MAST4: variants seen among roughly 807,000 people sequenced by gnomAD.
MAST4 encodes the protein microtubule-associated serine/threonine-protein kinase 4.
MAST4 carries 89 observed loss-of-function variants against 162.7 expected under a neutral mutation model. The ratio of observed to expected loss-of-function variants is 0.55; its 90% confidence interval spans 0.46 to 0.65. The LOEUF (loss-of-function observed/expected upper bound fraction) is 0.65. Among genes scored for constraint, MAST4 ranks in the 30% least tolerant of loss-of-function variants. MAST4 has a pLI of 0.00. For synonymous variants in MAST4, 1,479 were observed against 1,361.1 expected, an observed-to-expected ratio of 1.09 and a Z score of -1.91; for missense variants, 3,153 against 3,374.0, an observed-to-expected ratio of 0.93 and a Z score of 1.62.
At chr5:67,025,397 G>A (rs1001824290) in intron 4 of MAST4, among the ~76,000 whole-genome samples, 1 of 152,168 alleles carries the variant, frequency 6.6e-6, no homozygotes, top group Non-Finnish European at 1.5e-5. Context: ...GATGATAGAT[G>A]TATAAATGAA....
chr5:66,741,963 G>A (rs968739722), intron 1 of MAST4, among the ~76,000 whole-genome samples: 3 of 152,202 alleles, frequency 2.0e-5, no homozygotes, highest in South Asian at 2.1e-4. Flanking sequence ...TCTACTGTAA[G>A]TTCAGGTTGT....
chr5:66,627,235 T>G (rs955282235), intron 1 of MAST4, among the ~76,000 whole-genome samples: 2 of 152,162 alleles, frequency 1.3e-5, no homozygotes, highest in African/African-American at 4.8e-5. Flanking sequence ...CATCAGATCT[T>G]GTGAGAACTC....
intron 1 of MAST4, among the ~76,000 whole-genome samples, chr5:66,620,889 C>G (rs1268237971): frequency 6.6e-6 from 1 of 152,002 alleles, no homozygotes; most frequent in Non-Finnish European, 1.5e-5. Flanking sequence ...TCAGCCCAAG[C>G]AGGTGCATTC....
At chr5:66,643,252 A>G (rs1192874106) in intron 1 of MAST4, among the ~76,000 whole-genome samples, 1 of 152,152 alleles carries the variant, frequency 6.6e-6, no homozygotes, top group East Asian at 1.9e-4. Flanking sequence ...AGAAGGGACT[A>G]TTTGGACTTC....
intron 3 of MAST4, among the ~76,000 whole-genome samples, chr5:66,835,565 G>A (rs1002381296): frequency 7.9e-5 from 12 of 152,030 alleles, no homozygotes; most frequent in African/African-American, 2.7e-4. Flanking sequence ...AAAAGACAAA[G>A]GAGACTGAAA....
intron 4 of MAST4, among the ~76,000 whole-genome samples, chr5:67,011,965 G>A (rs1208031673): frequency 6.6e-6 from 1 of 152,066 alleles, no homozygotes; most frequent in South Asian, 2.1e-4. Context: ...TGGAGCATAT[G>A]CTGCATGGGG....
chr5:66,689,859 C>T (rs1386154909), intron 1 of MAST4, among the ~76,000 whole-genome samples: 1 of 152,132 alleles, frequency 6.6e-6, no homozygotes, highest in Non-Finnish European at 1.5e-5. Flanking sequence ...GATGCCATCT[C>T]CAATTATATT....
At chr5:66,623,517 G>A (rs1040334104) in intron 1 of MAST4, among the ~76,000 whole-genome samples, 5 of 152,132 alleles carry the variant, frequency 3.3e-5, no homozygotes, top group African/African-American at 1.2e-4. Context: ...CACATTCACA[G>A]CATAGAAGAT....
In MAST4 at chr5:67,128,787, A is replaced by G. The variant is rs569667573; in HGVS notation, c.1746-1423A>G. ...AAGTAACTAGTGGAAAATCCATTTC[A>G]GATCACATACCCCCTGTTTTATAAG... is the stretch of plus-strand genomic sequence containing the variant. On this transcript the variant is annotated intron_variant, in intron 14 of 28. Transcript: ENST00000403625. Among the ~76,000 whole-genome samples the G allele has an allele frequency of 1.1e-3, 161 of 152,310 alleles. 1 individual carries two copies. The highest frequency in any genetic ancestry group is 3.8e-3 in the African/African-American group (159 of 41,572).
intron 5 of MAST4, among the ~76,000 whole-genome samples, chr5:67,078,328 G>C (rs1761921378): frequency 7.3e-6 from 1 of 137,120 alleles, no homozygotes; most frequent in East Asian, 2.1e-4. Context: ...GGGTTGCCTT[G>C]ATGTGAAAAA....
At position 67,167,264 on chromosome 5, in the gene MAST4, CAAAAAAAA is replaced by C. The variant is rs34486167; in HGVS notation, c.*235_*242del. On this transcript the variant is annotated 3_prime_UTR_variant, in exon 29 of 29. Transcript: ENST00000403625. ...AAACTGTTACCAGATAGTGTTTGTA[CAAAAAAAA>C]AAAAAAAAAAAAAAAAAAAAATTAC... 1.3e-3 allele frequency: 104 copies of C among 79,446 alleles called. No homozygotes were observed. The highest frequency in any genetic ancestry group is 2.0e-3 in the East Asian group (5 of 2,536). 4.9% of individuals were successfully genotyped at this position (79,446 alleles called of 1,614,324 possible).
At chr5:67,087,750 G>GTA (rs942890393) in intron 5 of MAST4, among the ~76,000 whole-genome samples, 3 of 152,048 alleles carry the variant, frequency 2.0e-5, no homozygotes, top group Admixed American at 6.5e-5. Context: ...GTGTGTATAC[G>GTA]TATATATATA....
intron 3 of MAST4, among the ~76,000 whole-genome samples, chr5:66,817,063 AT>A (rs1220180946): frequency 6.6e-6 from 1 of 152,056 alleles, no homozygotes; most frequent in East Asian, 1.9e-4. Flanking sequence ...CACCTGGAGT[AT>A]CTTGTCCTGG....
rs146871540 is a variant in MAST4 at position 67,085,263 on chromosome 5, G to A, written c.764-4899G>A. Among the ~76,000 whole-genome samples, 1,371 of 152,052 alleles carry A rather than the reference G, an allele frequency of 9.0e-3. 13 individuals are homozygous for A. The highest frequency in any genetic ancestry group is 0.014 in the Middle Eastern group (4 of 294). ...TTTTTCAGCAAATCCCGTTGGCTCCGCTGCCAAAACATAACAGCTCTTCAA... is the reference window on the plus strand; with the variant it reads ...TTTTTCAGCAAATCCCGTTGGCTCCACTGCCAAAACATAACAGCTCTTCAA... On this transcript the variant is annotated intron_variant, in intron 5 of 28. Coordinates refer to ENST00000403625, the MANE Select transcript of MAST4 (RefSeq NM_001164664.2).
intron 4 of MAST4, among the ~76,000 whole-genome samples, chr5:67,016,622 A>T (rs1753314903): frequency 6.6e-6 from 1 of 152,166 alleles, no homozygotes; most frequent in Non-Finnish European, 1.5e-5. Context: ...TTCTGCTGTA[A>T]TTTCCTCATC....
chr5:67,016,339 G>A (rs533761471), intron 4 of MAST4, among the ~76,000 whole-genome samples: 127 of 152,112 alleles, frequency 8.3e-4, no homozygotes, highest in African/African-American at 3.0e-3. Context: ...ACTATCTTAT[G>A]GCCAAAAGAA....
chr5:66,839,993 G>T (rs78087901), intron 3 of MAST4, among the ~76,000 whole-genome samples: 1 of 151,790 alleles, frequency 6.6e-6, no homozygotes, highest in African/African-American at 2.4e-5. Context: ...ACGCGTTCTT[G>T]GGCAACAAAT....
intron 5 of MAST4, among the ~76,000 whole-genome samples, chr5:67,057,591 TAAA>T (rs11351677): frequency 3.6e-5 from 4 of 111,632 alleles, no homozygotes; most frequent in Non-Finnish European, 3.9e-5. Context: ...ACAGTCTCAT[TAAA>T]AAAAAAAAAA....
At chr5:66,933,389 G>C (rs16895988) in intron 4 of MAST4, among the ~76,000 whole-genome samples, 1 of 151,908 alleles carries the variant, frequency 6.6e-6, no homozygotes, top group African/African-American at 2.4e-5. Flanking sequence ...ATTGCTGCAG[G>C]AAAAAAATTA....
Sources: allele counts gnomAD v4.1 joint callset (sites outside exome capture counted in the v4.1 genomes callset), GRCh38; gene constraint gnomAD v4.1.1; transcripts MANE v1.5; gene names NCBI Gene and HGNC (gene_info 2026-07-23, HGNC 2026-07-21).